The following DHRS7 variants were observed in gnomAD, a reference collection of about 807,000 sequenced individuals.
DHRS7 encodes dehydrogenase/reductase 7, also known as dehydrogenase/reductase SDR family member 7.
A neutral mutation model predicts 38.9 loss-of-function variants in DHRS7; 34 were observed. That is an observed-to-expected ratio of 0.87 (90% confidence interval 0.66 to 1.16). The LOEUF is 1.16. DHRS7 is among the 50% of genes most tolerant of loss of function. The probability of loss-of-function intolerance (pLI) is 0.00; values close to 1 mark genes in which losing one functional copy is unlikely to be tolerated. For missense variants in DHRS7, 421 were observed against 407.0 expected, an observed-to-expected ratio of 1.03 and a Z score of -0.30; for synonymous variants, 158 against 153.1, an observed-to-expected ratio of 1.03 and a Z score of -0.24.
rs180951064 is a variant in DHRS7 at position 60,162,017 on chromosome 14, C to T, written c.133+3160G>A. ...ATGTGCTGCTGTTGAAATTTTTCCTCCTCTAGACTTGTGCCATGGATTTTT... is the reference window on the plus strand; with the variant it reads ...ATGTGCTGCTGTTGAAATTTTTCCTTCTCTAGACTTGTGCCATGGATTTTT... On this transcript the variant is annotated intron_variant, in intron 1 of 6. Coordinates refer to ENST00000557185, the MANE Select transcript of DHRS7 (RefSeq NM_016029.4). This position sits in a 1 kb window ranked among gnomAD's most constrained non-coding sequence, Gnocchi z 4.5. Among the ~76,000 whole-genome samples, 29 of 152,318 alleles carry T rather than the reference C, an allele frequency of 1.9e-4. No homozygotes were observed. In the East Asian group the frequency reaches 5.4e-3, roughly 28 times the overall value.
chr14:60,147,192 C>T (rs1248954675), intron 6 of DHRS7: 2 of 152,030 alleles, frequency 1.3e-5, no homozygotes, highest in South Asian at 2.1e-4. Flanking sequence ...ATGATCACGC[C>T]ACTGCAGACT....
rs1010130491 is a variant in DHRS7 at position 60,162,002 on chromosome 14, G to A, written c.133+3175C>T. 3.9e-5 allele frequency among the ~76,000 whole-genome samples: 6 copies of A among 152,228 alleles called. No individual in the cohort carries two copies. Among genetic ancestry groups the A allele is most frequent in the Admixed American group, 3.9e-4 (6 of 15,284 alleles). Reference sequence around the variant, plus strand: ...CTGAGTTTTGCTCACATGTGCTGCTGTTGAAATTTTTCCTCCTCTAGACTT... The same window carrying A: ...CTGAGTTTTGCTCACATGTGCTGCTATTGAAATTTTTCCTCCTCTAGACTT... On this transcript the variant is annotated intron_variant, in intron 1 of 6. Transcript: ENST00000557185. This position sits in a 1 kb window ranked among gnomAD's most constrained non-coding sequence, Gnocchi z 4.5.
chr14:60,159,451 G>A, intron 1 of DHRS7: 1 of 203,584 alleles, frequency 4.9e-6, no homozygotes, highest in South Asian at 8.1e-5. Flanking sequence ...GCTAATGTCA[G>A]ATGTAGGCAA....
In DHRS7 at chr14:60,162,200, C is replaced by T; in HGVS notation, c.133+2977G>A. Among the ~76,000 whole-genome samples, 1 of 152,000 alleles carries T rather than the reference C, an allele frequency of 6.6e-6. No individual in the cohort carries two copies. The highest frequency in any genetic ancestry group is 1.5e-5 in the Non-Finnish European group (1 of 68,000). On this transcript the variant is annotated intron_variant, in intron 1 of 6. Transcript: ENST00000557185. The surrounding 1 kb of genome is among the most constrained non-coding windows in gnomAD (Gnocchi z 4.5). ...AGACCAGCCTGGAACATAGTGAGAG[C>T]CTGTTTCTACAAAAAGTTTAAAAAT...
In DHRS7 at chr14:60,156,142, C is replaced by T; in HGVS notation, c.144G>A (p.Leu48=). 2 of 1,585,416 alleles carry T rather than the reference C, an allele frequency of 1.3e-6. No homozygotes were observed. The change falls in exon 2 of 7, where the codon CTG becomes CTA. Residue 48 remains leucine (L), a synonymous_variant. Transcript: ENST00000557185. ...EWQGRRPEWE[L]TDMVVWVTGA... ...CAGTCACCCACACCACCATATCAGT[C>T]AGCTCCCATTCTATGGAAGGAATGT... is the stretch of plus-strand genomic sequence containing the variant.
upstream of DHRS7, among the ~76,000 whole-genome samples, chr14:60,166,593 A>G (rs1445503750): frequency 6.6e-6 from 1 of 152,074 alleles, no homozygotes; most frequent in Non-Finnish European, 1.5e-5. Flanking sequence ...AATTTCCTTA[A>G]ATAGCTCTTC....
At chr14:60,152,104 C>T (rs1896558379) in intron 4 of DHRS7, among the ~76,000 whole-genome samples, 1 of 152,220 alleles carries the variant, frequency 6.6e-6, no homozygotes, top group Non-Finnish European at 1.5e-5. Context: ...TTCAAATTTT[C>T]ATGAAACCAT....
Position 60,156,023 on chromosome 14 carries a change from T to C in DHRS7, c.263A>G (p.Glu88Gly). Residue 88 changes from glutamate (E) to glycine (G), a missense_variant, in exon 2 of 7, where the codon GAA becomes GGA. By Grantham distance (98) the Glu-to-Gly change is moderately conservative. Transcript: ENST00000557185. The stretch of plus-strand genomic sequence containing the variant: ...ACCTAGGCATCTTCTTTTCACCCTT[T>C]CCAGCTCATGCACTCTTCTGGCTGA... ...VLSARRVHEL[E>G]RVKRRCLENG... The C allele has an allele frequency of 6.3e-7, 1 of 1,583,794 alleles. No homozygotes were observed. The highest frequency in any genetic ancestry group is 1.4e-5 in the African/African-American group (1 of 73,090).
intron 1 of DHRS7, among the ~76,000 whole-genome samples, chr14:60,159,551 T>G (rs1896721586): frequency 6.6e-6 from 1 of 152,258 alleles, no homozygotes; most frequent in Admixed American, 6.5e-5. Flanking sequence ...TAATTTAGAA[T>G]AGCACATATT....
upstream of DHRS7, among the ~76,000 whole-genome samples, chr14:60,167,579 G>T (rs964909091): frequency 6.6e-6 from 1 of 150,924 alleles, no homozygotes; most frequent in Non-Finnish European, 1.5e-5. Context: ...GCAGTTGTGC[G>T]TAAGCAATTG....
rs1157962787 is a variant in DHRS7 at position 60,165,336 on chromosome 14, G to A, written c.-27C>T. 11 of 1,556,060 alleles carry A rather than the reference G, an allele frequency of 7.1e-6. No individual in the cohort carries two copies. Among genetic ancestry groups the A allele is most frequent in the Non-Finnish European group, 9.5e-6 (11 of 1,155,532 alleles). On this transcript the variant is annotated 5_prime_UTR_variant, in exon 1 of 7. Transcript: ENST00000557185. The surrounding 1 kb of genome is among the most constrained non-coding windows in gnomAD (Gnocchi z 4.6). ...GCGGCCGCGCACGCCCAGCTCGGGG[G>A]GAAGAAGACGGCCCGCACCAGAGTC... is the stretch of plus-strand genomic sequence containing the variant.
At chr14:60,156,226 A>G (rs74707121) in intron 1 of DHRS7, 74 bp from the exon 2 acceptor site, 14 of 1,314,806 alleles carry the variant, frequency 1.1e-5, no homozygotes, top group African/African-American at 1.6e-5. Context: ...TTAGAAAAAA[A>G]AAAGAAAGCC....
chr14:60,160,152 C>G (rs1896735195), intron 1 of DHRS7, among the ~76,000 whole-genome samples: 1 of 151,848 alleles, frequency 6.6e-6, no homozygotes, highest in Non-Finnish European at 1.5e-5. Context: ...ATGGCGAAAC[C>G]CCATCTCTAC....
intron 6 of DHRS7, 31 bp downstream of exon 6, chr14:60,149,322 T>TA: frequency 6.3e-7 from 1 of 1,597,076 alleles, no homozygotes; most frequent in Non-Finnish European, 8.6e-7. Flanking sequence ...GATTGGTACA[T>TA]ACTATTAAGA....
At chr14:60,152,903 GTCA>G in intron 4 of DHRS7, 33 bp downstream of exon 4, 6 of 1,612,176 alleles carry the variant, frequency 3.7e-6, no homozygotes, top group Non-Finnish European at 5.1e-6. Context: ...ACACATTTAA[GTCA>G]GTTCTATCAG....
chr14:60,168,813 A>T (rs1391267461), upstream of DHRS7: 6 of 1,508,718 alleles, frequency 4.0e-6, no homozygotes, highest in Admixed American at 8.9e-5. Context: ...AAACATGCTG[A>T]CACTCCTCAT....
rs1896792813 is a variant in DHRS7 at position 60,162,985 on chromosome 14, C to T, written c.133+2192G>A. Reference sequence around the variant, plus strand: ...AGGGGTTTGAGACTAGCCTGGCCAACATGGCGAAACCCCAGGTCTACTAAA... The same window carrying T: ...AGGGGTTTGAGACTAGCCTGGCCAATATGGCGAAACCCCAGGTCTACTAAA... On this transcript the variant is annotated intron_variant, in intron 1 of 6. Coordinates refer to ENST00000557185, the MANE Select transcript of DHRS7 (RefSeq NM_016029.4). The surrounding 1 kb of genome is among the most constrained non-coding windows in gnomAD (Gnocchi z 4.5). Among the ~76,000 whole-genome samples the T allele has an allele frequency of 6.6e-6, 1 of 152,128 alleles. No homozygotes were observed. The highest frequency in any genetic ancestry group is 6.5e-5 in the Admixed American group (1 of 15,278).
Position 60,161,173 on chromosome 14 carries a change from T to C in DHRS7, c.133+4004A>G, listed in dbSNP as rs1250393755. 2.0e-5 allele frequency among the ~76,000 whole-genome samples: 3 copies of C among 152,186 alleles called. No individual in the cohort carries two copies. ...TAAAATTCAGTTTGTAGACTCCATTTGTTAAGGGAATCAATATCAGAAGTA... is the reference window on the plus strand; with the variant it reads ...TAAAATTCAGTTTGTAGACTCCATTCGTTAAGGGAATCAATATCAGAAGTA... On this transcript the variant is annotated intron_variant, in intron 1 of 6. Transcript: ENST00000557185. This position sits in a 1 kb window ranked among gnomAD's most constrained non-coding sequence, Gnocchi z 4.2.
rs1161295225 is a variant in DHRS7, at chr14:60,161,090, AT to A, written c.133+4086del. 6.6e-6 allele frequency among the ~76,000 whole-genome samples: 1 copy of A among 152,182 alleles called. No homozygotes were observed. Among genetic ancestry groups the A allele is most frequent in the Non-Finnish European group, 1.5e-5 (1 of 68,024 alleles). On this transcript the variant is annotated intron_variant, in intron 1 of 6. Coordinates refer to ENST00000557185, the MANE Select transcript of DHRS7 (RefSeq NM_016029.4). The surrounding 1 kb of genome is among the most constrained non-coding windows in gnomAD (Gnocchi z 4.2). ...GTTTTATCCTGCTTGTTCTCCCAGA[AT>A]TTTTTGTAAACTCAACTCCTCTGTT...
Sources: allele counts gnomAD v4.1 joint callset (sites outside exome capture counted in the v4.1 genomes callset), GRCh38; gene constraint gnomAD v4.1.1; non-coding constraint Gnocchi (gnomAD v3.1); transcripts MANE v1.5; gene names NCBI Gene and HGNC (gene_info 2026-07-23, HGNC 2026-07-21).